MRPS6: variants seen among roughly 807,000 people sequenced by gnomAD.
MRPS6 encodes the protein mitochondrial ribosomal protein S6.
A neutral mutation model predicts 13.1 loss-of-function variants in MRPS6; 6 were observed. The ratio of observed to expected loss-of-function variants is 0.46; its 90% CI spans 0.25 to 0.91. The LOEUF (loss-of-function observed/expected upper bound fraction) is 0.91, where lower values mean the gene tolerates loss of function less well. Among genes scored for constraint, MRPS6 ranks in the 40% least tolerant of loss-of-function variants. The pLI, the probability that MRPS6 is intolerant of heterozygous loss-of-function variation, is 0.18. For synonymous variants in MRPS6, 61 were observed against 56.5 expected (o/e 1.08, Z -0.36); for missense variants, 164 against 155.6 (o/e 1.05, Z -0.29).
chr21:34,097,677 A>T (rs1298739992), intron 1 of MRPS6: 1 of 1,048,988 alleles, frequency 9.5e-7, no homozygotes, highest in East Asian at 8.9e-5. Context: ...GAATTAAGGT[A>T]TACTGTCTGC....
intron 2 of MRPS6, among the ~76,000 whole-genome samples, chr21:34,134,514 C>T (rs11910700): frequency 0.015 from 2,274 of 152,226 alleles, 54 homozygotes; most frequent in African/African-American, 0.052. Context: ...CGATGATTAG[C>T]ATGTAATAAA....
intron 2 of MRPS6, among the ~76,000 whole-genome samples, chr21:34,128,837 G>C (rs975854572): frequency 6.6e-6 from 1 of 152,124 alleles, no homozygotes; most frequent in Non-Finnish European, 1.5e-5. Context: ...AGCAGAATGG[G>C]GCCTGGATTG....
chr21:34,102,715 CAA>C, intron 1 of MRPS6: 1 of 1,000,118 alleles, frequency 1.0e-6, no homozygotes, highest in Non-Finnish European at 1.2e-6. Context: ...CAAATCAAGA[CAA>C]AACACAGTGG....
Position 34,096,128 on chromosome 21 carries a change from G to T in MRPS6, c.45+22383G>T. 6.2e-7 allele frequency: 1 copy of T among 1,614,112 alleles called. No individual in the cohort carries two copies. The highest frequency in any genetic ancestry group is 1.1e-5 in the South Asian group (1 of 91,082). On this transcript the variant is annotated intron_variant, in intron 1 of 2. Transcript: ENST00000399312. The surrounding 1 kb of genome is among the most constrained non-coding windows in gnomAD (Gnocchi z 5.9). ...CTGGCTTCTTAAAGCTCCTGCCAAT[G>T]TTTATCATAGTTGTCCCAGGAATGA... is the stretch of plus-strand genomic sequence containing the variant.
chr21:34,103,634 T>A, intron 1 of MRPS6: 4 of 1,000,180 alleles, frequency 4.0e-6, no homozygotes, highest in Non-Finnish European at 4.8e-6. Context: ...AATAGTATTC[T>A]CTGTATCCCA....
chr21:34,129,647 A>C (rs1251335623), intron 2 of MRPS6, among the ~76,000 whole-genome samples: 1 of 152,114 alleles, frequency 6.6e-6, no homozygotes, highest in African/African-American at 2.4e-5. Flanking sequence ...TCGCTTCCCA[A>C]ATGTGTCTGC....
chr21:34,124,265 C>CA (rs1980223025), intron 1 of MRPS6: 1 of 152,254 alleles, frequency 6.6e-6, no homozygotes, highest in African/African-American at 2.4e-5. Context: ...GCTGTAGTGA[C>CA]AGTTGCACTC....
intron 1 of MRPS6, among the ~76,000 whole-genome samples, chr21:34,083,172 G>C (rs1276927125): frequency 1.3e-5 from 2 of 152,190 alleles, no homozygotes; most frequent in Non-Finnish European, 2.9e-5. Flanking sequence ...GTGCAGTTAT[G>C]GTAGCCGGGT....
chr21:34,134,715 A>T (rs1239158910), intron 2 of MRPS6, among the ~76,000 whole-genome samples: 2 of 151,590 alleles, frequency 1.3e-5, no homozygotes, highest in Non-Finnish European at 2.9e-5. Flanking sequence ...ATTTTTTTCG[A>T]CTTTATGATG....
intron 1 of MRPS6, among the ~76,000 whole-genome samples, chr21:34,090,699 G>A (rs1336491933): frequency 6.6e-6 from 1 of 152,188 alleles, no homozygotes. Context: ...GGCAATACTA[G>A]CTTTCTCTGT....
chr21:34,103,902 G>A, intron 1 of MRPS6: 1 of 1,000,066 alleles, frequency 1.0e-6, no homozygotes, highest in Non-Finnish European at 1.2e-6. Flanking sequence ...GGAGAAATAG[G>A]GACAGATGTC....
intron 1 of MRPS6, chr21:34,104,379 C>A: frequency 2.0e-6 from 2 of 1,000,190 alleles, no homozygotes; most frequent in Non-Finnish European, 2.4e-6. Flanking sequence ...CCTCACTTCA[C>A]CTCCGAGTAG....
Position 34,096,899 on chromosome 21 carries a change from G to C in MRPS6, c.45+23154G>C. 2 of 1,614,078 alleles carry C rather than the reference G, an allele frequency of 1.2e-6. No homozygotes were observed. Among genetic ancestry groups the C allele is most frequent in the Non-Finnish European group, 1.7e-6 (2 of 1,179,960 alleles). On this transcript the variant is annotated intron_variant, in intron 1 of 2. Transcript: ENST00000399312. The surrounding 1 kb of genome is among the most constrained non-coding windows in gnomAD (Gnocchi z 5.9). ...CCCCAAAAGAGGAACCATACAAAAT[G>C]CAAGAAAAGAGCATTCTGAGATGCA...
At chr21:34,097,084 A>G (rs1169911487) in intron 1 of MRPS6, 1 of 1,614,090 alleles carries the variant, frequency 6.2e-7, no homozygotes, top group South Asian at 1.1e-5. Context: ...ACACCAGTTG[A>G]CGCTTACTCC....
chr21:34,132,617 G>A (rs190893095), intron 2 of MRPS6, among the ~76,000 whole-genome samples: 10 of 152,270 alleles, frequency 6.6e-5, no homozygotes, highest in Admixed American at 2.6e-4. Flanking sequence ...CCAACATGTG[G>A]GTACTAGGTA....
At chr21:34,115,997 G>C (rs777210671) in intron 1 of MRPS6, among the ~76,000 whole-genome samples, 1 of 150,842 alleles carries the variant, frequency 6.6e-6, no homozygotes, top group Non-Finnish European at 1.5e-5. Flanking sequence ...TTTTATGCCA[G>C]TATGTAAGGA....
chr21:34,105,439 A>T (rs1200556407), intron 1 of MRPS6: 1 of 999,616 alleles, frequency 1.0e-6, no homozygotes, highest in Non-Finnish European at 1.2e-6. Context: ...TTTATTTTTA[A>T]GCCAAATGTC....
At chr21:34,095,038 C>G in intron 1 of MRPS6, 1 of 823,274 alleles carries the variant, frequency 1.2e-6, no homozygotes, top group East Asian at 2.8e-5. Context: ...ACAACCACCA[C>G]CATCAAGACA....
chr21:34,133,095 G>A (rs1038417352), intron 2 of MRPS6, among the ~76,000 whole-genome samples: 2 of 152,142 alleles, frequency 1.3e-5, no homozygotes, highest in African/African-American at 2.4e-5. Context: ...ATTGCCACAC[G>A]GAGTGGAGCT....
Sources: allele counts gnomAD v4.1 joint callset (sites outside exome capture counted in the v4.1 genomes callset), GRCh38; gene constraint gnomAD v4.1.1; non-coding constraint Gnocchi (gnomAD v3.1); transcripts MANE v1.5; gene names NCBI Gene and HGNC (gene_info 2026-07-23, HGNC 2026-07-21).